Variants in FABP12 observed in about 807,000 individuals in gnomAD.
The protein encoded by FABP12 is fatty acid binding protein 12, also known as fatty acid-binding protein 12.
A neutral mutation model predicts 13.7 loss-of-function variants in FABP12; 19 were observed. The observed-to-expected ratio is 1.39, with a 90% CI of 0.97 to 2.04. FABP12 has a LOEUF of 2.04. Among genes scored for constraint, FABP12 ranks in the 30% most tolerant of loss-of-function variants. The probability of loss-of-function intolerance (pLI) is 0.00; values close to 1 mark genes in which losing one functional copy is unlikely to be tolerated. For synonymous variants in FABP12, 61 were observed against 57.0 expected (o/e 1.07, Z -0.32); for missense variants, 182 against 164.2 (o/e 1.11, Z -0.59).
Position 81,545,131 on chromosome 8 carries a change from C to T in FABP12, c.-184-5388G>A, listed in dbSNP as rs150008732. Among the ~76,000 whole-genome samples, 229 of 152,274 alleles carry T rather than the reference C, an allele frequency of 1.5e-3. 1 individual carries two copies. Among genetic ancestry groups the T allele is most frequent in the African/African-American group, 5.4e-3 (223 of 41,564 alleles). ...CACCTCTCGGGTTCAAGCGATTCTC[C>T]TGCCTCAGCCTCCCAAATAGCTGAG... On this transcript the variant is annotated intron_variant, in intron 1 of 5. Coordinates refer to the FABP12 transcript ENST00000692030.
intron 2 of FABP12, among the ~76,000 whole-genome samples, chr8:81,539,359 A>G (rs1276496751): frequency 6.8e-6 from 1 of 147,702 alleles, no homozygotes. Context: ...TATAATAATT[A>G]TATGATAAAA....
At chr8:81,535,815 T>C (rs1247566306), upstream of FABP12, among the ~76,000 whole-genome samples, 1 of 152,180 alleles carries the variant, frequency 6.6e-6, no homozygotes, top group African/African-American at 2.4e-5. Flanking sequence ...ATTCTGGGTC[T>C]GAAAATTGGC....
intron 1 of FABP12, among the ~76,000 whole-genome samples, chr8:81,551,156 TA>T (rs1809516633): frequency 6.6e-6 from 1 of 152,152 alleles, no homozygotes; most frequent in Non-Finnish European, 1.5e-5. Context: ...AAATGGTCTT[TA>T]GGATCACCTG....
At chr8:81,581,096 C>T (rs778831659) in intron 1 of FABP12, among the ~76,000 whole-genome samples, 7 of 152,130 alleles carry the variant, frequency 4.6e-5, no homozygotes, top group East Asian at 1.9e-4. Context: ...ATCAACAGGA[C>T]GGGGAAAAGA....
chr8:81,572,549 T>C (rs1809952858), intron 1 of FABP12, among the ~76,000 whole-genome samples: 2 of 152,236 alleles, frequency 1.3e-5, no homozygotes. Flanking sequence ...CCATAGCGGC[T>C]GTACTAGTTT....
At chr8:81,554,851 T>C (rs1380984609) in intron 1 of FABP12, among the ~76,000 whole-genome samples, 1 of 151,876 alleles carries the variant, frequency 6.6e-6, no homozygotes, top group Non-Finnish European at 1.5e-5. Context: ...TCTAAGAAAG[T>C]TTACGAATTT....
intron 1 of FABP12, among the ~76,000 whole-genome samples, chr8:81,552,313 G>A (rs1809535113): frequency 2.0e-5 from 3 of 152,200 alleles, no homozygotes; most frequent in Admixed American, 1.3e-4. Context: ...AAGAAGTTCA[G>A]TATAGTAGGA....
chr8:81,573,329 C>G (rs1809968710), intron 1 of FABP12, among the ~76,000 whole-genome samples: 1 of 152,148 alleles, frequency 6.6e-6, no homozygotes, highest in Non-Finnish European at 1.5e-5. Flanking sequence ...TATACTAGTA[C>G]CACGCTGTTT....
At chr8:81,535,042 G>A (rs79719892), upstream of FABP12, among the ~76,000 whole-genome samples, 15,246 of 152,190 alleles carry the variant, frequency 0.1, 773 homozygotes, top group Non-Finnish European at 0.11. Flanking sequence ...GTGAAATGTG[G>A]TCTGACTGAA....
chr8:81,561,158 C>T (rs1023108719), intron 1 of FABP12, among the ~76,000 whole-genome samples: 3 of 152,038 alleles, frequency 2.0e-5, no homozygotes, highest in East Asian at 1.9e-4. Context: ...TGTGAGAGCT[C>T]GGGCAAGTCC....
chr8:81,529,743 G>A (rs1809012384), intron 2 of FABP12, 133 bp from the exon 3 acceptor site: 1 of 827,214 alleles, frequency 1.2e-6, no homozygotes, highest in Non-Finnish European at 1.8e-6. Flanking sequence ...TGCTAACTAG[G>A]AGGTTTGCGA....
intron 1 of FABP12, among the ~76,000 whole-genome samples, chr8:81,554,593 A>G (rs888054232): frequency 1.3e-5 from 2 of 152,162 alleles, no homozygotes; most frequent in Non-Finnish European, 2.9e-5. Flanking sequence ...TGCGACAGTA[A>G]CCAACTCATC....
intron 1 of FABP12, among the ~76,000 whole-genome samples, chr8:81,555,335 A>T (rs1809593844): frequency 6.6e-6 from 1 of 152,208 alleles, no homozygotes; most frequent in South Asian, 2.1e-4. Context: ...AAATAGACAA[A>T]TAAACATTAA....
intron 1 of FABP12, among the ~76,000 whole-genome samples, chr8:81,549,501 T>A (rs1046884853): frequency 6.6e-6 from 1 of 152,196 alleles, no homozygotes; most frequent in Non-Finnish European, 1.5e-5. Context: ...CCAGTTGTTC[T>A]TTTCTTGTTA....
At chr8:81,564,057 A>C (rs1328091719) in intron 1 of FABP12, among the ~76,000 whole-genome samples, 1 of 152,196 alleles carries the variant, frequency 6.6e-6, no homozygotes. Context: ...AAAAGAAACA[A>C]ATAACATGGT....
At chr8:81,554,749 G>C (rs1315107289) in intron 1 of FABP12, among the ~76,000 whole-genome samples, 1 of 151,892 alleles carries the variant, frequency 6.6e-6, no homozygotes, top group Admixed American at 6.6e-5. Context: ...ATTGAAAGAA[G>C]AATTGTCTCG....
intron 1 of FABP12, among the ~76,000 whole-genome samples, chr8:81,546,026 C>A (rs1056064543): frequency 3.3e-5 from 5 of 152,166 alleles, no homozygotes; most frequent in African/African-American, 9.7e-5. Flanking sequence ...TCATGAGTAT[C>A]CTAGGGCTTT....
At chr8:81,568,250 A>G (rs1809864413) in intron 1 of FABP12, among the ~76,000 whole-genome samples, 1 of 152,220 alleles carries the variant, frequency 6.6e-6, no homozygotes, top group Admixed American at 6.5e-5. Context: ...AATAACCAGA[A>G]TATAGAAGAA....
upstream of FABP12, among the ~76,000 whole-genome samples, chr8:81,537,459 G>T (rs192761000): frequency 6.6e-6 from 1 of 151,824 alleles, no homozygotes; most frequent in Admixed American, 6.6e-5. Flanking sequence ...TTTTCCATGC[G>T]GTTCTAATGC....
Sources: gnomAD v4.1 joint callset for allele counts (sites outside exome capture counted in the v4.1 genomes callset) on GRCh38, gnomAD v4.1.1 for gene constraint, MANE v1.5 for transcripts, NCBI Gene and HGNC (gene_info 2026-07-23, HGNC 2026-07-21) for gene names.